The following MUC22 variants were observed in gnomAD, a reference collection of about 807,000 sequenced individuals.
MUC22 encodes mucin-22.
Under a neutral mutation model 40.3 loss-of-function variants are expected in MUC22, and 24 were observed. That is an observed-to-expected ratio of 0.60 (90% confidence interval 0.43 to 0.84). The LOEUF (loss-of-function observed/expected upper bound fraction) is 0.84, where lower values mean the gene tolerates loss of function less well. Ranked by LOEUF, MUC22 falls within the 40% of genes least tolerant of loss-of-function variation. The pLI, the probability that MUC22 is intolerant of heterozygous loss-of-function variation, is 0.00. For synonymous variants in MUC22, 765 were observed against 844.5 expected (o/e 0.91, Z 1.63); for missense variants, 1,926 against 2,130.7 (o/e 0.90, Z 1.89).
At chr6:31,006,236 A>G (rs1459625178), upstream of MUC22, 1 of 275,078 alleles carries the variant, frequency 3.6e-6, no homozygotes, top group Non-Finnish European at 7.2e-6. Flanking sequence ...TATAAATTGA[A>G]CACAGAGTCT....
At chr6:31,013,670 T>C (rs1361948549) in intron 1 of MUC22, among the ~76,000 whole-genome samples, 2 of 152,154 alleles carry the variant, frequency 1.3e-5, no homozygotes, top group African/African-American at 4.8e-5. Flanking sequence ...ACTGCATTTA[T>C]CTATTTATTT....
Position 31,030,089 on chromosome 6 carries a change from C to T in MUC22, c.4658C>T (p.Thr1553Ile), listed in dbSNP as rs771246621. The T allele has an allele frequency of 3.9e-6, 6 of 1,528,278 alleles. No homozygotes were observed. In the South Asian group the frequency reaches 4.8e-5, roughly 12 times the overall value. The allele number at this position is 1,528,278 out of a possible 1,614,324, so 94.7% of individuals were successfully genotyped here. A position where few individuals can be genotyped will look rare whatever the true frequency, so the allele number is the denominator to read the frequency against. ...GTTTCTATCCAGCCCATCACCAACACACCTATGTCAGGTACTAACCCCCAT... is the reference window on the plus strand; with the variant it reads ...GTTTCTATCCAGCCCATCACCAACATACCTATGTCAGGTACTAACCCCCAT... Residue 1553 changes from threonine to isoleucine, a missense_variant, in exon 2 of 4, where the codon ACA becomes ATA. Thr to Ile is a moderately conservative substitution (Grantham distance 89). This residue lies in a region of MUC22 where 610 missense variants were observed against 714.6 expected (regional missense o/e 0.85). Transcript: ENST00000561890.
At chr6:31,024,588 G>A (rs1203734048) in intron 1 of MUC22, among the ~76,000 whole-genome samples, 1 of 152,188 alleles carries the variant, frequency 6.6e-6, no homozygotes, top group African/African-American at 2.4e-5. Context: ...GTCAGCAAAA[G>A]AAATGTGGGC....
chr6:31,030,676 G>A (rs62401670), intron 2 of MUC22, among the ~76,000 whole-genome samples: 17,295 of 151,662 alleles, frequency 0.11, 1,144 homozygotes, highest in Middle Eastern at 0.17. Flanking sequence ...CAGCAAGCCC[G>A]CCTCAACTCT....
chr6:31,025,931 T>TCAC (rs1347896804), exon 2 of MUC22: 1 of 1,529,732 alleles, frequency 6.5e-7, no homozygotes, highest in East Asian at 2.5e-5. Context: ...GAGAAAACGA[T>TCAC]GGCCTCCTCC....
At chr6:31,030,802 G>C (rs1766006973) in intron 2 of MUC22, among the ~76,000 whole-genome samples, 1 of 152,174 alleles carries the variant, frequency 6.6e-6, no homozygotes, top group Non-Finnish European at 1.5e-5. Context: ...CTCTAGACCA[G>C]AGGCTGGCAG....
At chr6:31,033,729 A>T (rs11969581) in intron 3 of MUC22, among the ~76,000 whole-genome samples, 39,502 of 151,928 alleles carry the variant, frequency 0.26, 5,383 homozygotes, top group African/African-American at 0.34. Flanking sequence ...GGTTGGAAAT[A>T]CTTACACCAC....
Position 31,027,005 on chromosome 6 carries a change from CT to C in MUC22, c.1575del (p.Thr526ProfsTer36). On this transcript the variant is annotated frameshift_variant, in exon 2 of 4. Transcript: ENST00000561890. LOFTEE classifies it high-confidence loss of function. Reference sequence around the variant, plus strand: ...ACAGCATTTACTGAAGATTCTAAGACTACCACAGCCTCTACTACAGGGTTTG... The same window carrying C: ...ACAGCATTTACTGAAGATTCTAAGACACCACAGCCTCTACTACAGGGTTTG... 6.7e-7 allele frequency: 1 copy of C among 1,493,514 alleles called. No homozygotes were observed. The highest frequency in any genetic ancestry group is 8.9e-7 in the Non-Finnish European group (1 of 1,118,482). 92.5% of individuals were successfully genotyped at this position (1,493,514 alleles called of 1,614,324 possible).
chr6:31,023,181 C>T (rs28732079), intron 1 of MUC22, among the ~76,000 whole-genome samples: 20,766 of 110,136 alleles, frequency 0.19, 1,646 homozygotes, highest in East Asian at 0.38. Flanking sequence ...AAAAAAAAGG[C>T]GAAAAATGGA....
At chr6:31,009,428 A>G (rs2517400), upstream of MUC22, among the ~76,000 whole-genome samples, 22,449 of 152,118 alleles carry the variant, frequency 0.15, 1,716 homozygotes, top group Admixed American at 0.2. Flanking sequence ...AAGATGTGCC[A>G]CATTCTTATC....
At chr6:31,020,441 C>CTTTTTTTTTTTTTTT (rs3084519) in intron 1 of MUC22, among the ~76,000 whole-genome samples, 25 of 126,694 alleles carry the variant, frequency 2.0e-4, no homozygotes, top group East Asian at 1.0e-3. Flanking sequence ...TGGAAATTGA[C>CTTTTTTTTTTTTTTT]TTTTTTTTTT....
upstream of MUC22, among the ~76,000 whole-genome samples, chr6:31,010,139 C>T (rs1763764677): frequency 1.3e-5 from 2 of 152,190 alleles, no homozygotes; most frequent in Non-Finnish European, 2.9e-5. Flanking sequence ...TTCTCTTCTT[C>T]CTTCTTTCTT....
chr6:31,010,063 C>G (rs1187609306), upstream of MUC22, among the ~76,000 whole-genome samples: 1 of 152,230 alleles, frequency 6.6e-6, no homozygotes, highest in East Asian at 1.9e-4. Context: ...TCTTATCACC[C>G]TCCAAATCCC....
chr6:31,029,567 C>A, exon 2 of MUC22: 1 of 1,529,270 alleles, frequency 6.5e-7, no homozygotes, highest in Non-Finnish European at 8.8e-7. Context: ...ACTACAGTTT[C>A]TACCACTAGC....
rs191087306 is a variant in MUC22, at chr6:31,033,232, A to G, written c.5055+651A>G. Among the ~76,000 whole-genome samples the G allele has an allele frequency of 7.2e-4, 109 of 151,488 alleles. 2 individuals are homozygous for G. In the East Asian group the frequency reaches 0.021, roughly 29 times the overall value. On this transcript the variant is annotated intron_variant, in intron 3 of 3. Coordinates refer to ENST00000561890, the Ensembl canonical transcript of MUC22. ...GAGAGAGAGAGAGAAAAAGAGAAAG[A>G]ATGAGGAAGAAAGGAAGAAAGCAAG...
exon 2 of MUC22, chr6:31,028,766 G>A: frequency 6.5e-7 from 1 of 1,531,314 alleles, no homozygotes; most frequent in Non-Finnish European, 8.7e-7. Flanking sequence ...TCTACTGAAG[G>A]CTCTGAGACC....
At chr6:31,033,574 C>T (rs990901773) in intron 3 of MUC22, among the ~76,000 whole-genome samples, 30 of 152,114 alleles carry the variant, frequency 2.0e-4, no homozygotes, top group African/African-American at 7.0e-4. Context: ...TCTTGTGATC[C>T]TGCGGGTAAG....
intron 1 of MUC22, among the ~76,000 whole-genome samples, chr6:31,022,912 T>C (rs886157263): frequency 2.0e-5 from 3 of 152,150 alleles, no homozygotes; most frequent in African/African-American, 7.2e-5. Flanking sequence ...GGTGGATCAC[T>C]TGAGGCCAGG....
At chr6:31,026,626 G>A in exon 2 of MUC22, 2 of 1,506,634 alleles carry the variant, frequency 1.3e-6, no homozygotes, top group Non-Finnish European at 8.9e-7. Flanking sequence ...GACCACCACA[G>A]TCTCCACCGT....
Sources: gnomAD v4.1 joint callset for allele counts (sites outside exome capture counted in the v4.1 genomes callset) on GRCh38, gnomAD v4.1.1 for gene constraint, gnomAD v4.1.1 regional missense constraint, MANE v1.5 for transcripts, NCBI Gene and HGNC (gene_info 2026-07-23, HGNC 2026-07-21) for gene names.